The following RANBP17 variants were observed in gnomAD, a reference collection of about 807,000 sequenced individuals.
The protein encoded by RANBP17 is ran-binding protein 17.
Under a neutral mutation model 141.2 loss-of-function variants are expected in RANBP17, and 158 were observed. The ratio of observed to expected loss-of-function variants is 1.12; its 90% CI spans 0.98 to 1.28. The LOEUF is 1.28. Among genes scored for constraint, RANBP17 ranks in the 50% most tolerant of loss-of-function variants. The pLI, the probability that RANBP17 is intolerant of heterozygous loss-of-function variation, is 0.00. For synonymous variants in RANBP17, 430 were observed against 450.0 expected (o/e 0.96, Z 0.56); for missense variants, 1,438 against 1,290.7 (o/e 1.11, Z -1.75).
chr5:170,932,034 C>G (rs566444420), intron 12 of RANBP17, among the ~76,000 whole-genome samples: 1 of 152,168 alleles, frequency 6.6e-6, no homozygotes, highest in African/African-American at 2.4e-5. Flanking sequence ...TCTTCCTATC[C>G]ATGAGCATGG....
At chr5:171,270,646 G>A (rs894892832) in intron 25 of RANBP17, among the ~76,000 whole-genome samples, 2 of 151,952 alleles carry the variant, frequency 1.3e-5, no homozygotes, top group African/African-American at 2.4e-5. Context: ...CATTCATTTC[G>A]TTATATCACA....
chr5:171,235,132 C>T (rs1208180082), intron 22 of RANBP17, among the ~76,000 whole-genome samples: 1 of 152,068 alleles, frequency 6.6e-6, no homozygotes, highest in Non-Finnish European at 1.5e-5. Context: ...TCGAAAGCTG[C>T]CAGTCAATCA....
chr5:171,200,530 T>C (rs1367446603), intron 19 of RANBP17, among the ~76,000 whole-genome samples: 1 of 152,192 alleles, frequency 6.6e-6, no homozygotes, highest in East Asian at 1.9e-4. Context: ...CAGGGAAATA[T>C]TAAATAAATT....
intron 14 of RANBP17, among the ~76,000 whole-genome samples, chr5:171,135,279 C>CAA (rs200094154): frequency 3.0e-3 from 168 of 55,870 alleles, no homozygotes; most frequent in African/African-American, 9.6e-3. Context: ...GACTCCATCT[C>CAA]AAAAAAAAAA....
intron 21 of RANBP17, among the ~76,000 whole-genome samples, chr5:171,215,360 AACATAC>A (rs1198050660): frequency 1.3e-5 from 2 of 152,112 alleles, no homozygotes; most frequent in Admixed American, 1.3e-4. Flanking sequence ...TGCTGCAGTA[AACATAC>A]ATGTGCATGT....
At chr5:171,072,338 A>G (rs1041642039) in intron 14 of RANBP17, among the ~76,000 whole-genome samples, 2 of 152,144 alleles carry the variant, frequency 1.3e-5, no homozygotes, top group African/African-American at 4.8e-5. Context: ...ACAAATTTCT[A>G]ACATGCAGAA....
chr5:171,204,379 A>T (rs890094871), intron 19 of RANBP17, among the ~76,000 whole-genome samples: 2 of 152,202 alleles, frequency 1.3e-5, no homozygotes, highest in Non-Finnish European at 2.9e-5. Flanking sequence ...AAATTAATTG[A>T]ATCAGCCATT....
intron 16 of RANBP17, among the ~76,000 whole-genome samples, chr5:171,178,792 T>C (rs1760691480): frequency 6.6e-6 from 1 of 152,244 alleles, no homozygotes; most frequent in South Asian, 2.1e-4. Context: ...CTTTTTTTCA[T>C]ATGGTTGTTG....
At chr5:170,945,506 T>C (rs1435145808) in intron 12 of RANBP17, among the ~76,000 whole-genome samples, 1 of 152,194 alleles carries the variant, frequency 6.6e-6, no homozygotes, top group African/African-American at 2.4e-5. Flanking sequence ...CAGGTATTAT[T>C]ATCCTTGTAA....
intron 14 of RANBP17, among the ~76,000 whole-genome samples, chr5:171,066,339 C>G (rs1338338735): frequency 1.3e-5 from 2 of 152,082 alleles, no homozygotes; most frequent in African/African-American, 4.8e-5. Context: ...TCCTCCAGTC[C>G]CTGGTAACCA....
Position 171,089,663 on chromosome 5 carries a change from G to T in RANBP17, c.1711-80467G>T, listed in dbSNP as rs1786057790. Among the ~76,000 whole-genome samples the T allele has an allele frequency of 5.9e-5, 9 of 152,150 alleles. 1 individual carries two copies. In the South Asian group the frequency reaches 1.9e-3, roughly 32 times the overall value. On this transcript the variant is annotated intron_variant, in intron 14 of 27. Transcript: ENST00000523189. Reference sequence around the variant, plus strand: ...CAGGTGTGGGATATAATCTCGTGGTGCGCCGTTTTTTAAGCCGGTCTGAAA... The same window carrying T: ...CAGGTGTGGGATATAATCTCGTGGTTCGCCGTTTTTTAAGCCGGTCTGAAA...
At chr5:170,992,793 T>C (rs1778592106) in intron 14 of RANBP17, among the ~76,000 whole-genome samples, 6 of 151,956 alleles carry the variant, frequency 3.9e-5, no homozygotes, top group Non-Finnish European at 8.8e-5. Flanking sequence ...TTTAAAAGGT[T>C]AGAAATGTTG....
rs968808696 is a variant in RANBP17, at chr5:171,063,695, C to G, written c.1710+95318C>G. Among the ~76,000 whole-genome samples, 8 of 152,190 alleles carry G rather than the reference C, an allele frequency of 5.3e-5. No homozygotes were observed. The South Asian group carries it at 1.2e-3, about 24-fold the overall frequency. ...GAGAACCACTGCTCTCTTCAAAGCT[C>G]TCAGACAGGGACATTTAAGTCTGCA... On this transcript the variant is annotated intron_variant, in intron 14 of 27. Transcript: ENST00000523189.
Position 171,265,668 on chromosome 5 carries a change from A to G in RANBP17, c.2777-13A>G. 1 of 1,569,456 alleles carries G rather than the reference A, an allele frequency of 6.4e-7. No homozygotes were observed. On this transcript the variant is annotated splice_polypyrimidine_tract_variant and intron_variant, in intron 24 of 27. Coordinates refer to ENST00000523189, the MANE Select transcript of RANBP17 (RefSeq NM_022897.5). Reference sequence around the variant, plus strand: ...AAGTAATGCAAATGAATTCTTATTTACTATTTGTACAGATACAGTTGTCTC... The same window carrying G: ...AAGTAATGCAAATGAATTCTTATTTGCTATTTGTACAGATACAGTTGTCTC...
At chr5:170,968,796 G>A (rs1776780767) in intron 14 of RANBP17, 1 of 448,312 alleles carries the variant, frequency 2.2e-6, no homozygotes, top group South Asian at 1.6e-5. Context: ...TGAGGACTAG[G>A]AAAATTAGAT....
At chr5:171,100,468 G>A (rs1787068441) in intron 14 of RANBP17, among the ~76,000 whole-genome samples, 1 of 151,990 alleles carries the variant, frequency 6.6e-6, no homozygotes, top group Non-Finnish European at 1.5e-5. Context: ...ATTTTTTATT[G>A]TGTCTATTTG....
intron 14 of RANBP17, among the ~76,000 whole-genome samples, chr5:171,104,296 C>T (rs1217591961): frequency 6.6e-6 from 1 of 152,172 alleles, no homozygotes; most frequent in African/African-American, 2.4e-5. Context: ...CTCAGCTTCC[C>T]AAAGTGCTGG....
At position 171,136,758 on chromosome 5, in the gene RANBP17, G is replaced by T. The variant is rs533052404; in HGVS notation, c.1711-33372G>T. Among the ~76,000 whole-genome samples, 3 of 152,160 alleles carry T rather than the reference G, an allele frequency of 2.0e-5. No homozygotes were observed. In the South Asian group the frequency reaches 6.2e-4, roughly 32 times the overall value. Reference sequence around the variant, plus strand: ...TTTTCTAGCTCACTCTGCCTTTGGTGGCTAATTAGAGATTTAGAAATTAAT... The same window carrying T: ...TTTTCTAGCTCACTCTGCCTTTGGTTGCTAATTAGAGATTTAGAAATTAAT... On this transcript the variant is annotated intron_variant, in intron 14 of 27. Transcript: ENST00000523189.
At chr5:171,099,206 G>T (rs186862671) in intron 14 of RANBP17, among the ~76,000 whole-genome samples, 2 of 152,270 alleles carry the variant, frequency 1.3e-5, no homozygotes, top group African/African-American at 4.8e-5. Flanking sequence ...ACTTTGGGCA[G>T]TATGGTCATT....
Sources: allele counts gnomAD v4.1 joint callset (sites outside exome capture counted in the v4.1 genomes callset), GRCh38; gene constraint gnomAD v4.1.1; transcripts MANE v1.5; gene names NCBI Gene and HGNC (gene_info 2026-07-23, HGNC 2026-07-21).